Variants in CORIN observed in about 807,000 individuals in gnomAD.
The protein encoded by CORIN is corin, serine peptidase.
CORIN carries 117 observed loss-of-function variants against 125.3 expected under a neutral mutation model. The observed-to-expected ratio is 0.93, with a 90% CI of 0.80 to 1.09. The LOEUF (loss-of-function observed/expected upper bound fraction) is 1.09, where lower values mean the gene tolerates loss of function less well. Among genes scored for constraint, CORIN ranks in the 50% least tolerant of loss-of-function variants. The pLI, the probability that CORIN is intolerant of heterozygous loss-of-function variation, is 0.00. For missense variants in CORIN, 1,253 were observed against 1,306.7 expected, an observed-to-expected ratio of 0.96 and a Z score of 0.63; for synonymous variants, 450 against 466.4, an observed-to-expected ratio of 0.96 and a Z score of 0.45.
chr4:47,814,854 A>G (rs1007330080), intron 1 of CORIN, among the ~76,000 whole-genome samples: 4 of 152,136 alleles, frequency 2.6e-5, no homozygotes, highest in Non-Finnish European at 5.9e-5. Context: ...CTCTGCCCAC[A>G]TTTTCCCTTT....
chr4:47,604,169 C>A (rs1260670268), intron 19 of CORIN, among the ~76,000 whole-genome samples: 1 of 152,218 alleles, frequency 6.6e-6, no homozygotes, highest in Non-Finnish European at 1.5e-5. Context: ...TACTTGTCAA[C>A]AATATTTTAG....
chr4:47,675,072 G>C (rs192716456), intron 9 of CORIN, among the ~76,000 whole-genome samples: 3 of 152,186 alleles, frequency 2.0e-5, no homozygotes, highest in Non-Finnish European at 4.4e-5. Context: ...GTGATGACTT[G>C]AGAACTGGGT....
At chr4:47,720,622 A>G (rs1179675075) in intron 5 of CORIN, among the ~76,000 whole-genome samples, 1 of 152,222 alleles carries the variant, frequency 6.6e-6, no homozygotes, top group Non-Finnish European at 1.5e-5. Context: ...CTATCCCTAC[A>G]CATCTACTTC....
intron 1 of CORIN, among the ~76,000 whole-genome samples, chr4:47,813,785 G>T (rs985660499): frequency 5.3e-5 from 8 of 152,172 alleles, no homozygotes; most frequent in African/African-American, 1.9e-4. Flanking sequence ...CACAGTCTGT[G>T]AACTTTATTT....
intron 5 of CORIN, among the ~76,000 whole-genome samples, chr4:47,740,456 T>A (rs532768895): frequency 6.6e-6 from 1 of 152,046 alleles, no homozygotes; most frequent in Non-Finnish European, 1.5e-5. Flanking sequence ...CCTGACGAAT[T>A]GACCCTTTAT....
intron 5 of CORIN, among the ~76,000 whole-genome samples, chr4:47,717,180 A>G (rs936240746): frequency 6.6e-6 from 1 of 152,170 alleles, no homozygotes; most frequent in Non-Finnish European, 1.5e-5. Context: ...TTATTTTCCA[A>G]TGTAACATCC....
intron 12 of CORIN, among the ~76,000 whole-genome samples, chr4:47,654,614 G>A (rs1286138661): frequency 1.3e-5 from 2 of 152,216 alleles, no homozygotes; most frequent in African/African-American, 4.8e-5. Flanking sequence ...CATGGAGGGA[G>A]CATTTAGATG....
intron 10 of CORIN, among the ~76,000 whole-genome samples, chr4:47,667,021 CT>C (rs1724512136): frequency 6.6e-6 from 1 of 152,176 alleles, no homozygotes; most frequent in African/African-American, 2.4e-5. Context: ...ATAATCCCCA[CT>C]TGTTGTGGGA....
chr4:47,782,137 C>A (rs1020373924), intron 3 of CORIN, among the ~76,000 whole-genome samples: 9 of 152,134 alleles, frequency 5.9e-5, no homozygotes, highest in African/African-American at 2.2e-4. Context: ...GTAATCTCAG[C>A]ACTTCGGGAG....
chr4:47,784,641 T>C (rs1305099484), intron 3 of CORIN, among the ~76,000 whole-genome samples: 3 of 152,238 alleles, frequency 2.0e-5, no homozygotes, highest in Non-Finnish European at 4.4e-5. Context: ...ATTACTGTAA[T>C]TGCAACCACA....
chr4:47,642,918 A>G (rs1318497007), intron 15 of CORIN: 3 of 1,510,570 alleles, frequency 2.0e-6, no homozygotes, highest in Non-Finnish European at 2.6e-6. Context: ...TTGAACCCAA[A>G]CGTTTTTCCA....
intron 19 of CORIN, among the ~76,000 whole-genome samples, chr4:47,611,335 TATTTTATTCTGTTTGTAGCA>T (rs1721859615): frequency 6.6e-6 from 1 of 152,176 alleles, no homozygotes; most frequent in Non-Finnish European, 1.5e-5. Flanking sequence ...TATTCTTAGG[TATTTTATTCTGTTTGTAGCA>T]ATTGTGAATG....
chr4:47,640,894 C>T (rs1167778985), intron 16 of CORIN, among the ~76,000 whole-genome samples: 1 of 152,094 alleles, frequency 6.6e-6, no homozygotes, highest in East Asian at 1.9e-4. Context: ...CAATCATAAC[C>T]TATTTCATTT....
chr4:47,600,108 A>G, intron 21 of CORIN, 106 bp downstream of exon 21: 6 of 1,036,254 alleles, frequency 5.8e-6, no homozygotes, highest in Non-Finnish European at 5.5e-6. Flanking sequence ...GCAACAAATG[A>G]TTTTCAAAAA....
chr4:47,700,320 G>A (rs1726228315), intron 5 of CORIN, among the ~76,000 whole-genome samples: 1 of 152,188 alleles, frequency 6.6e-6, no homozygotes, highest in African/African-American at 2.4e-5. Context: ...CTCAGAGTAA[G>A]AAGTGACACC....
chr4:47,796,035 C>T (rs1403580035), intron 2 of CORIN, among the ~76,000 whole-genome samples: 1 of 151,934 alleles, frequency 6.6e-6, no homozygotes, highest in Non-Finnish European at 1.5e-5. Context: ...TTGATGCAGC[C>T]ACTATGGAAA....
intron 13 of CORIN, 34 bp downstream of exon 13, chr4:47,653,519 T>C (rs754170367): frequency 2.6e-6 from 4 of 1,514,902 alleles, no homozygotes; most frequent in South Asian, 2.3e-5. Flanking sequence ...GTTATCACTG[T>C]ACATTCAAGA....
At chr4:47,605,582 A>C (rs1048530276) in intron 19 of CORIN, among the ~76,000 whole-genome samples, 1 of 152,188 alleles carries the variant, frequency 6.6e-6, no homozygotes, top group African/African-American at 2.4e-5. Context: ...TGAGTCAGCC[A>C]CACTACCACT....
chr4:47,665,398 T>C lies in CORIN; in HGVS notation c.1358-135A>G, dbSNP rs568196181. 9 of 638,006 alleles carry C rather than the reference T, an allele frequency of 1.4e-5. No individual in the cohort carries two copies. In the Admixed American group the frequency reaches 1.5e-4, roughly 11 times the overall value. The allele number at this position is 638,006 out of a possible 1,614,324, so 39.5% of individuals were successfully genotyped here. On this transcript the variant is annotated intron_variant, in intron 10 of 21. Coordinates refer to ENST00000273857, the MANE Select transcript of CORIN (RefSeq NM_006587.4). The stretch of plus-strand genomic sequence containing the variant: ...ACTAGAATGCCAGTAGTATATAACA[T>C]TTTTTATGGATATTGAAAATAAGTA...
Sources: allele counts gnomAD v4.1 joint callset (sites outside exome capture counted in the v4.1 genomes callset), GRCh38; gene constraint gnomAD v4.1.1; transcripts MANE v1.5; gene names NCBI Gene and HGNC (gene_info 2026-07-23, HGNC 2026-07-21).